The following SIPA1L2 variants were observed in gnomAD, a reference collection of about 807,000 sequenced individuals.
SIPA1L2 encodes signal induced proliferation associated 1 like 2, also known as signal-induced proliferation-associated 1-like protein 2.
SIPA1L2 carries 56 observed loss-of-function variants against 163.9 expected under a neutral mutation model. The ratio of observed to expected loss-of-function variants is 0.34; its 90% CI spans 0.28 to 0.43. The LOEUF (loss-of-function observed/expected upper bound fraction) is 0.43, where lower values mean the gene tolerates loss of function less well. Ranked by LOEUF, SIPA1L2 falls within the 20% of genes least tolerant of loss-of-function variation. The probability of loss-of-function intolerance (pLI) is 1.00; values close to 1 mark genes in which losing one functional copy is unlikely to be tolerated. For synonymous variants in SIPA1L2, 877 were observed against 865.7 expected, an observed-to-expected ratio of 1.01 and a Z score of -0.23; for missense variants, 1,974 against 2,193.5, an observed-to-expected ratio of 0.90 and a Z score of 2.00.
intron 1 of SIPA1L2, among the ~76,000 whole-genome samples, chr1:232,598,671 G>C (rs1023530174): frequency 2.0e-5 from 3 of 152,080 alleles, no homozygotes; most frequent in African/African-American, 7.2e-5. Flanking sequence ...TTCACAGAAC[G>C]TCACCATCTT....
intron 10 of SIPA1L2, among the ~76,000 whole-genome samples, chr1:232,447,390 C>T (rs922615025): frequency 1.3e-5 from 2 of 152,222 alleles, no homozygotes; most frequent in African/African-American, 4.8e-5. Context: ...TCCTGGCAAT[C>T]GTATCTCCCA....
At chr1:232,418,508 G>A (rs987991432) in intron 18 of SIPA1L2, among the ~76,000 whole-genome samples, 17 of 152,238 alleles carry the variant, frequency 1.1e-4, no homozygotes, top group African/African-American at 3.9e-4. Flanking sequence ...CAGTGCGTGA[G>A]TGGGCCCGGC....
In SIPA1L2 at chr1:232,464,894, CAGG is replaced by C. The variant is rs1390762714; in HGVS notation, c.2763_2765del (p.Leu922del). 2 of 1,613,898 alleles carry C rather than the reference CAGG, an allele frequency of 1.2e-6. No homozygotes were observed. The highest frequency in any genetic ancestry group is 1.7e-6 in the Non-Finnish European group (2 of 1,179,874). On this transcript the variant is annotated inframe_deletion, in exon 9 of 23. Transcript: ENST00000674635. ...CTTCAGCACAGTTGTCTACCGAGGACAGGAGGACACATTCTCCTCTTTCGTAAA... is the reference window on the plus strand; with the variant it reads ...CTTCAGCACAGTTGTCTACCGAGGACAGGACACATTCTCCTCTTTCGTAAA...
intron 9 of SIPA1L2, chr1:232,462,088 A>AG (rs1664267449): frequency 1.2e-6 from 1 of 854,616 alleles, no homozygotes; most frequent in Non-Finnish European, 1.9e-6. Flanking sequence ...AGAGTGAGAG[A>AG]GAGTCAACAG....
At chr1:232,442,563 A>G (rs1287040937) in intron 12 of SIPA1L2, among the ~76,000 whole-genome samples, 1 of 151,840 alleles carries the variant, frequency 6.6e-6, no homozygotes, top group Non-Finnish European at 1.5e-5. Flanking sequence ...AAAAAAAAAA[A>G]AAAAGGAAAA....
At chr1:232,581,996 G>A (rs1326198945) in intron 1 of SIPA1L2, among the ~76,000 whole-genome samples, 3 of 152,168 alleles carry the variant, frequency 2.0e-5, no homozygotes, top group Non-Finnish European at 2.9e-5. Flanking sequence ...AGTCTCTTAT[G>A]TAACTTCTTG....
At chr1:232,418,731 C>T (rs1661403153) in intron 18 of SIPA1L2, among the ~76,000 whole-genome samples, 3 of 152,210 alleles carry the variant, frequency 2.0e-5, no homozygotes, top group Admixed American at 6.5e-5. Context: ...AAGCAAAGGA[C>T]ATTTGTTGGT....
intron 1 of SIPA1L2, among the ~76,000 whole-genome samples, chr1:232,589,444 A>G (rs1399962317): frequency 6.6e-6 from 1 of 152,210 alleles, no homozygotes; most frequent in Non-Finnish European, 1.5e-5. Flanking sequence ...CTTCTCACTG[A>G]ATTATTGATT....
intron 2 of SIPA1L2, among the ~76,000 whole-genome samples, chr1:232,564,999 T>A (rs568666316): frequency 1.5e-4 from 23 of 152,332 alleles, no homozygotes; most frequent in Non-Finnish European, 2.8e-4. Flanking sequence ...CAAACCACCA[T>A]GGCACATGTA....
intron 2 of SIPA1L2, among the ~76,000 whole-genome samples, chr1:232,550,529 A>G (rs1212625809): frequency 6.6e-5 from 10 of 152,236 alleles, no homozygotes; most frequent in Non-Finnish European, 1.5e-5. Context: ...ACCATTACAC[A>G]AATCAGAAGA....
intron 1 of SIPA1L2, among the ~76,000 whole-genome samples, chr1:232,602,613 G>C (rs2102857246): frequency 6.6e-6 from 1 of 152,004 alleles, no homozygotes; most frequent in South Asian, 2.1e-4. Context: ...ACGGGCGTGA[G>C]CCACTGCCTC....
chr1:232,462,560 C>T (rs1664296623), intron 9 of SIPA1L2: 1 of 363,248 alleles, frequency 2.8e-6, no homozygotes, highest in Non-Finnish European at 5.0e-6. Flanking sequence ...AAGGGGACTG[C>T]TGGTTTTAGT....
chr1:232,430,304 TAGGCAGAGGGAAC>T (rs1415386933), intron 16 of SIPA1L2, among the ~76,000 whole-genome samples: 1 of 152,232 alleles, frequency 6.6e-6, no homozygotes, highest in Non-Finnish European at 1.5e-5. Context: ...AAAGGACATT[TAGGCAGAGGGAAC>T]AGCATGAATG....
intron 2 of SIPA1L2, among the ~76,000 whole-genome samples, chr1:232,571,799 C>A (rs2102776505): frequency 6.6e-6 from 1 of 152,340 alleles, no homozygotes; most frequent in East Asian, 1.9e-4. Flanking sequence ...CACCACGTGA[C>A]ATGCTGGCTT....
intron 9 of SIPA1L2, among the ~76,000 whole-genome samples, chr1:232,461,523 A>G (rs898797068): frequency 6.6e-6 from 1 of 152,156 alleles, no homozygotes; most frequent in Non-Finnish European, 1.5e-5. Context: ...TTTTTCCTTT[A>G]TTAGGTAAAT....
chr1:232,442,658 T>C (rs751586960), intron 12 of SIPA1L2, among the ~76,000 whole-genome samples: 27 of 152,300 alleles, frequency 1.8e-4, no homozygotes, highest in South Asian at 6.2e-4. Context: ...AGAAAACTTA[T>C]TGACATTACA....
chr1:232,597,339 A>G (rs1661311405), intron 1 of SIPA1L2, among the ~76,000 whole-genome samples: 1 of 152,062 alleles, frequency 6.6e-6, no homozygotes, highest in African/African-American at 2.4e-5. Context: ...AGGTGACAGC[A>G]GCCTCTATGG....
intron 2 of SIPA1L2, among the ~76,000 whole-genome samples, chr1:232,515,810 G>GT (rs1285462209): frequency 3.4e-4 from 52 of 152,086 alleles, no homozygotes; most frequent in Non-Finnish European, 1.0e-4. Context: ...ATACAATCAG[G>GT]TATTAACTCA....
intron 1 of SIPA1L2, among the ~76,000 whole-genome samples, 165 bp downstream of exon 1, chr1:232,629,704 G>GCGCCGCGACCCTCGCAC (rs1386526859): frequency 2.6e-4 from 39 of 152,164 alleles, no homozygotes; most frequent in African/African-American, 8.2e-4. Flanking sequence ...GCCGGACCCT[G>GCGCCGCGACCCTCGCAC]CGCCGCGACC....
Sources: gnomAD v4.1 joint callset for allele counts (sites outside exome capture counted in the v4.1 genomes callset) on GRCh38, gnomAD v4.1.1 for gene constraint, MANE v1.5 for transcripts, NCBI Gene and HGNC (gene_info 2026-07-23, HGNC 2026-07-21) for gene names.